Variants in SEMA5A observed in about 807,000 individuals in gnomAD.
SEMA5A encodes the protein semaphorin 5A.
A neutral mutation model predicts 135.5 loss-of-function variants in SEMA5A; 55 were observed. The observed-to-expected ratio is 0.41, with a 90% CI of 0.33 to 0.51. SEMA5A has a LOEUF of 0.51. Among genes scored for constraint, SEMA5A ranks in the 20% least tolerant of loss-of-function variants. SEMA5A has a pLI of 0.37. For synonymous variants in SEMA5A, 580 were observed against 546.5 expected (o/e 1.06, Z -0.85); for missense variants, 1,290 against 1,419.9 (o/e 0.91, Z 1.47).
intron 11 of SEMA5A, among the ~76,000 whole-genome samples, chr5:9,159,865 C>T (rs537918516): frequency 5.9e-5 from 9 of 152,210 alleles, no homozygotes; most frequent in East Asian, 1.9e-4. Context: ...TGGAATACTA[C>T]GCAGCCATAA....
intron 1 of SEMA5A, among the ~76,000 whole-genome samples, chr5:9,475,088 T>G: frequency 6.6e-6 from 1 of 152,212 alleles, no homozygotes; most frequent in East Asian, 1.9e-4. Context: ...GTTATAGACA[T>G]GCACCACCTA....
intron 13 of SEMA5A, among the ~76,000 whole-genome samples, chr5:9,123,176 G>A (rs556025340): frequency 6.9e-6 from 1 of 143,906 alleles, no homozygotes; most frequent in Non-Finnish European, 1.5e-5. Context: ...ATGGTGTGGT[G>A]TGAACCCGGG....
At chr5:9,283,044 C>T (rs1435286083) in intron 5 of SEMA5A, among the ~76,000 whole-genome samples, 1 of 152,156 alleles carries the variant, frequency 6.6e-6, no homozygotes, top group East Asian at 1.9e-4. Flanking sequence ...CTTCTGGCAT[C>T]CAAAACGGTA....
At chr5:9,413,497 C>A (rs1029536401) in intron 2 of SEMA5A, among the ~76,000 whole-genome samples, 2 of 152,098 alleles carry the variant, frequency 1.3e-5, no homozygotes, top group Admixed American at 1.3e-4. Flanking sequence ...GCATATTGGG[C>A]AAAGCCTTCT....
chr5:9,264,164 T>A (rs1242528238), intron 5 of SEMA5A, among the ~76,000 whole-genome samples: 1 of 152,140 alleles, frequency 6.6e-6, no homozygotes, highest in Admixed American at 6.5e-5. Context: ...TTCAAATAGA[T>A]CACATTAGTT....
intron 16 of SEMA5A, among the ~76,000 whole-genome samples, chr5:9,075,945 G>A (rs764523251): frequency 7.2e-5 from 11 of 152,036 alleles, no homozygotes; most frequent in East Asian, 1.9e-4. Flanking sequence ...GGTGGCTCAC[G>A]CCTGTAATCC....
At chr5:9,419,925 AC>A (rs1276040373) in intron 2 of SEMA5A, among the ~76,000 whole-genome samples, 2 of 152,122 alleles carry the variant, frequency 1.3e-5, no homozygotes, top group Non-Finnish European at 2.9e-5. Context: ...TAGAGTAGAT[AC>A]TCTTTGATGT....
At chr5:9,050,144 TG>T (rs1736485906) in intron 21 of SEMA5A, among the ~76,000 whole-genome samples, 1 of 152,162 alleles carries the variant, frequency 6.6e-6, no homozygotes, top group African/African-American at 2.4e-5. Context: ...TGGATCAAGG[TG>T]GGGCCTGAGG....
At chr5:9,359,549 A>G (rs1754599995) in intron 3 of SEMA5A, among the ~76,000 whole-genome samples, 3 of 152,206 alleles carry the variant, frequency 2.0e-5, no homozygotes, top group Non-Finnish European at 4.4e-5. Flanking sequence ...TAGGTTAGAC[A>G]TCTATGGAAT....
chr5:9,119,047 TG>T lies in SEMA5A; in HGVS notation c.1875del (p.Thr626LeufsTer79). The T allele has an allele frequency of 6.2e-7, 1 of 1,613,254 alleles. No individual in the cohort carries two copies. The highest frequency in any genetic ancestry group is 8.5e-7 in the Non-Finnish European group (1 of 1,179,844). ...FQVRQRSCSN[P>X]TPRHGGRVCV... ...CACACCCGGCCCCCGTGCCTGGGAG[TG>T]GGGTTGCTGCAGGAGCGCTGCCGCA... On this transcript the variant is annotated frameshift_variant, in exon 15 of 23. Transcript: ENST00000382496. LOFTEE classifies it high-confidence loss of function.
At chr5:9,196,326 C>G (rs73044750) in intron 10 of SEMA5A, among the ~76,000 whole-genome samples, 1 of 152,044 alleles carries the variant, frequency 6.6e-6, no homozygotes, top group South Asian at 2.1e-4. Flanking sequence ...GGTGCCCTTA[C>G]AAAACAGGAA....
intron 2 of SEMA5A, among the ~76,000 whole-genome samples, chr5:9,410,647 G>A (rs1023312138): frequency 6.6e-6 from 1 of 152,116 alleles, no homozygotes; most frequent in Non-Finnish European, 1.5e-5. Context: ...CTTATAAGTG[G>A]TAGTTGAACA....
chr5:9,055,866 G>C (rs1168489891), intron 18 of SEMA5A, among the ~76,000 whole-genome samples: 8 of 85,852 alleles, frequency 9.3e-5, no homozygotes, highest in African/African-American at 3.8e-4. Flanking sequence ...TGTTTTCCTA[G>C]AACTTTAAAA....
intron 1 of SEMA5A, among the ~76,000 whole-genome samples, chr5:9,469,413 C>T (rs142773099): frequency 6.6e-6 from 1 of 152,278 alleles, no homozygotes; most frequent in African/African-American, 2.4e-5. Flanking sequence ...AGAGGGCTAC[C>T]AGAAAACAGA....
intron 5 of SEMA5A, among the ~76,000 whole-genome samples, chr5:9,296,531 A>G (rs1050791733): frequency 1.3e-5 from 2 of 152,158 alleles, no homozygotes; most frequent in African/African-American, 4.8e-5. Flanking sequence ...CTTTTCACAA[A>G]TGCATTGCTT....
intron 2 of SEMA5A, among the ~76,000 whole-genome samples, chr5:9,427,922 G>A (rs1408878673): frequency 1.3e-5 from 2 of 151,822 alleles, no homozygotes; most frequent in Non-Finnish European, 1.5e-5. Flanking sequence ...TAATGCAGTA[G>A]GGTTTCATCC....
At chr5:9,451,347 T>C (rs1185572483) in intron 1 of SEMA5A, among the ~76,000 whole-genome samples, 1 of 152,220 alleles carries the variant, frequency 6.6e-6, no homozygotes, top group East Asian at 1.9e-4. Flanking sequence ...GGCAGCATTG[T>C]TGGGGAGATG....
Position 9,185,131 on chromosome 5 carries a change from T to A in SEMA5A, c.1273+5136A>T, listed in dbSNP as rs529730088. Among the ~76,000 whole-genome samples the A allele has an allele frequency of 2.6e-5, 4 of 152,350 alleles. No homozygotes were observed. The South Asian group carries it at 8.3e-4, about 32-fold the overall frequency. ...TTTGTAGATGTGCAGTTCCACTATG[T>A]TGTCCATGCTGGTCTCAAACTTCTA... On this transcript the variant is annotated intron_variant, in intron 11 of 22. Coordinates refer to ENST00000382496, the MANE Select transcript of SEMA5A (RefSeq NM_003966.3).
chr5:9,184,385 C>T (rs930823394), intron 11 of SEMA5A, among the ~76,000 whole-genome samples: 2 of 152,000 alleles, frequency 1.3e-5, no homozygotes, highest in African/African-American at 4.8e-5. Context: ...AATTTGCAGA[C>T]TCAATTCTTC....
Sources: allele counts gnomAD v4.1 joint callset (sites outside exome capture counted in the v4.1 genomes callset), GRCh38; gene constraint gnomAD v4.1.1; transcripts MANE v1.5; gene names NCBI Gene and HGNC (gene_info 2026-07-23, HGNC 2026-07-21).